The following CSGALNACT1 variants were observed in gnomAD, a reference collection of about 807,000 sequenced individuals.
CSGALNACT1 encodes the protein chondroitin sulfate N-acetylgalactosaminyltransferase 1.
In CSGALNACT1, 52 loss-of-function variants were observed where a neutral mutation model predicts 51.0. The observed-to-expected ratio is 1.02, with a 90% CI of 0.82 to 1.29. CSGALNACT1 has a LOEUF of 1.29. Among genes scored for constraint, CSGALNACT1 ranks in the 50% most tolerant of loss-of-function variants. The pLI, the probability that CSGALNACT1 is intolerant of heterozygous loss-of-function variation, is 0.00. For missense variants in CSGALNACT1, 935 were observed against 679.2 expected (o/e 1.38, Z -4.19); for synonymous variants, 341 against 254.4 (o/e 1.34, Z -3.24).
chr8:19,625,588 G>A (rs769210621), intron 1 of CSGALNACT1, among the ~76,000 whole-genome samples: 26 of 152,278 alleles, frequency 1.7e-4, no homozygotes, highest in Non-Finnish European at 2.9e-4. Flanking sequence ...AATATCCAGG[G>A]CTGGAGTATA....
intron 1 of CSGALNACT1, among the ~76,000 whole-genome samples, chr8:19,719,173 T>C (rs1448379509): frequency 1.3e-5 from 2 of 152,196 alleles, no homozygotes; most frequent in African/African-American, 4.8e-5. Context: ...CAACCCTGGC[T>C]CAAATTATCA....
chr8:19,465,329 G>A (rs1248408102), intron 4 of CSGALNACT1, among the ~76,000 whole-genome samples: 1 of 152,140 alleles, frequency 6.6e-6, no homozygotes, highest in Non-Finnish European at 1.5e-5. Context: ...AATAGAGGTT[G>A]CCAGGGGCTG....
rs146880655 is a variant in CSGALNACT1, at chr8:19,533,509, T to C, written c.-296-27379A>G. On this transcript the variant is annotated intron_variant, in intron 3 of 9. Transcript: ENST00000454498. ...TCTTCCAAGACTTATCAATATCAAA[T>C]GGTTCATGAAGATTTTCTTCGCTAG... Among the ~76,000 whole-genome samples, 1,417 of 152,324 alleles carry C rather than the reference T, an allele frequency of 9.3e-3. 16 individuals are homozygous for C. Among genetic ancestry groups the C allele is most frequent in the South Asian group, 0.042 (205 of 4,828 alleles).
chr8:19,698,067 G>GT (rs1418429253), intron 1 of CSGALNACT1, among the ~76,000 whole-genome samples: 2 of 135,872 alleles, frequency 1.5e-5, no homozygotes, highest in Non-Finnish European at 3.3e-5. Flanking sequence ...GAGCTCCACT[G>GT]CGGGGGCTGA....
At chr8:19,495,391 C>T (rs2075273580) in intron 4 of CSGALNACT1, among the ~76,000 whole-genome samples, 1 of 152,208 alleles carries the variant, frequency 6.6e-6, no homozygotes, top group Non-Finnish European at 1.5e-5. Context: ...CTCAGACCAG[C>T]CCATAAAAAC....
intron 6 of CSGALNACT1, among the ~76,000 whole-genome samples, chr8:19,426,970 G>A (rs762030094): frequency 3.9e-5 from 6 of 152,186 alleles, no homozygotes; most frequent in South Asian, 2.1e-4. Context: ...TATATCCAAT[G>A]TATGATTTTA....
intron 5 of CSGALNACT1, among the ~76,000 whole-genome samples, chr8:19,454,979 A>G (rs2063819772): frequency 6.6e-6 from 1 of 152,226 alleles, no homozygotes; most frequent in Non-Finnish European, 1.5e-5. Flanking sequence ...ATAAGTAGAA[A>G]TAGAATGTAT....
chr8:19,536,088 ACTC>A (rs1413975704), intron 3 of CSGALNACT1, among the ~76,000 whole-genome samples: 3 of 152,116 alleles, frequency 2.0e-5, no homozygotes, highest in African/African-American at 4.8e-5. Context: ...TCTACAAAAA[ACTC>A]CTTGAGTAAG....
At chr8:19,591,624 G>T (rs749322733) in intron 2 of CSGALNACT1, among the ~76,000 whole-genome samples, 16 of 152,116 alleles carry the variant, frequency 1.1e-4, no homozygotes, top group Non-Finnish European at 1.9e-4. Flanking sequence ...GACTGATAGG[G>T]ATAAAAAATA....
chr8:19,481,671 G>C (rs1041966616), intron 4 of CSGALNACT1, among the ~76,000 whole-genome samples: 7 of 152,056 alleles, frequency 4.6e-5, no homozygotes, highest in African/African-American at 1.7e-4. Flanking sequence ...CATCATAGTC[G>C]TTTCTGTATC....
intron 4 of CSGALNACT1, among the ~76,000 whole-genome samples, chr8:19,472,073 T>G (rs541359756): frequency 1.3e-4 from 20 of 152,194 alleles, no homozygotes; most frequent in Admixed American, 6.5e-5. Flanking sequence ...GAAATTACAC[T>G]TGCAGGATGC....
At chr8:19,662,063 C>A (rs1224245271) in intron 1 of CSGALNACT1, among the ~76,000 whole-genome samples, 1 of 37,388 alleles carries the variant, frequency 2.7e-5, no homozygotes, top group Admixed American at 2.0e-4. Context: ...CAGTTGCCCC[C>A]ACCCCCCCCC....
chr8:19,577,584 CAAG>C (rs2044560027), intron 3 of CSGALNACT1, among the ~76,000 whole-genome samples: 1 of 150,732 alleles, frequency 6.6e-6, no homozygotes, highest in South Asian at 2.1e-4. Flanking sequence ...TAAAAATAGA[CAAG>C]AAAGGAAAAT....
intron 1 of CSGALNACT1, among the ~76,000 whole-genome samples, chr8:19,702,985 A>C (rs1348238066): frequency 6.6e-6 from 1 of 151,734 alleles, no homozygotes; most frequent in Non-Finnish European, 1.5e-5. Context: ...ACTTCCCTTT[A>C]TATCTCATCT....
chr8:19,707,245 C>T (rs954163428), intron 1 of CSGALNACT1, among the ~76,000 whole-genome samples: 3 of 152,128 alleles, frequency 2.0e-5, no homozygotes, highest in African/African-American at 7.2e-5. Context: ...GTTGACAGAT[C>T]AAGCAGTTCT....
At chr8:19,521,782 T>G (rs1387283179) in intron 3 of CSGALNACT1, among the ~76,000 whole-genome samples, 2 of 152,168 alleles carry the variant, frequency 1.3e-5, no homozygotes, top group Non-Finnish European at 2.9e-5. Context: ...ACAAGTTTGG[T>G]TTCATGGACC....
chr8:19,482,615 C>T (rs2071730141), intron 4 of CSGALNACT1, among the ~76,000 whole-genome samples: 1 of 152,184 alleles, frequency 6.6e-6, no homozygotes, highest in African/African-American at 2.4e-5. Flanking sequence ...TTCTGCCTCC[C>T]TCTTTGGCTG....
At chr8:19,456,823 T>C (rs1172557557) in intron 5 of CSGALNACT1, among the ~76,000 whole-genome samples, 2 of 152,130 alleles carry the variant, frequency 1.3e-5, no homozygotes, top group African/African-American at 4.8e-5. Context: ...CTAGGGAATA[T>C]GAAAAAGCTA....
chr8:19,542,277 G>A (rs2085387847), intron 3 of CSGALNACT1, among the ~76,000 whole-genome samples: 1 of 150,754 alleles, frequency 6.6e-6, no homozygotes, highest in Non-Finnish European at 1.5e-5. Context: ...AAGCTCAAAG[G>A]AAAGCCATTG....
Sources: allele counts gnomAD v4.1 joint callset (sites outside exome capture counted in the v4.1 genomes callset), GRCh38; gene constraint gnomAD v4.1.1; transcripts MANE v1.5; gene names NCBI Gene and HGNC (gene_info 2026-07-23, HGNC 2026-07-21).